LINGO2: variants seen among roughly 807,000 people sequenced by gnomAD.
The protein encoded by LINGO2 is leucine-rich repeat and immunoglobulin-like domain-containing nogo receptor-interacting protein 2.
A neutral mutation model predicts 30.6 loss-of-function variants in LINGO2; 14 were observed. The observed-to-expected ratio is 0.46, with a 90% CI of 0.30 to 0.72. The LOEUF is 0.72. Ranked by LOEUF, LINGO2 falls within the 30% of genes least tolerant of loss-of-function variation. LINGO2 has a pLI of 0.07. For missense variants in LINGO2, 729 were observed against 751.7 expected (o/e 0.97, Z 0.35); for synonymous variants, 317 against 288.5 (o/e 1.10, Z -1.00).
the LINGO2 span, among the ~76,000 whole-genome samples, chr9:29,181,354 T>C: frequency 6.6e-6 from 1 of 152,194 alleles, no homozygotes; most frequent in South Asian, 2.1e-4. Flanking sequence ...AATTATATTT[T>C]CTATTATAGT....
chr9:28,846,430 A>C, the LINGO2 span, among the ~76,000 whole-genome samples: 3 of 149,040 alleles, frequency 2.0e-5, 1 homozygote, highest in African/African-American at 7.6e-5. Flanking sequence ...ACCACTCTTA[A>C]GATTCCCGAT....
chr9:29,195,199 G>A, the LINGO2 span, among the ~76,000 whole-genome samples: 1 of 152,120 alleles, frequency 6.6e-6, no homozygotes, highest in Non-Finnish European at 1.5e-5. Context: ...CAATCAATAT[G>A]TCATCTCTTT....
rs115684013 is a variant in LINGO2 at position 28,337,745 on chromosome 9, G to T, written c.-246+35091C>A. Among the ~76,000 whole-genome samples, 402 of 152,250 alleles carry T rather than the reference G, an allele frequency of 2.6e-3. 1 individual carries two copies. Among genetic ancestry groups the T allele is most frequent in the African/African-American group, 9.3e-3 (385 of 41,542 alleles). ...AGAGTGCCAGCCCCAAACTTTGGAGGCTTACATGTGGTATTGAGCCTATGG... is the reference window on the plus strand; with the variant it reads ...AGAGTGCCAGCCCCAAACTTTGGAGTCTTACATGTGGTATTGAGCCTATGG... On this transcript the variant is annotated intron_variant, in intron 3 of 5. Transcript: ENST00000379992.
the LINGO2 span, among the ~76,000 whole-genome samples, chr9:29,111,937 A>AT: frequency 6.7e-6 from 1 of 149,256 alleles, no homozygotes; most frequent in Non-Finnish European, 1.5e-5. Context: ...GTGTATATAT[A>AT]ATGTATTTAA....
At chr9:29,037,414 G>T in the LINGO2 span, among the ~76,000 whole-genome samples, 2 of 151,846 alleles carry the variant, frequency 1.3e-5, no homozygotes, top group Non-Finnish European at 2.9e-5. Flanking sequence ...GAACTTAATT[G>T]TAGCTTATAT....
chr9:28,616,629 C>A (rs1826142294), intron 1 of LINGO2, among the ~76,000 whole-genome samples: 1 of 152,198 alleles, frequency 6.6e-6, no homozygotes, highest in Non-Finnish European at 1.5e-5. Flanking sequence ...ATGTATTTCC[C>A]TGCCCTGATT....
intron 4 of LINGO2, among the ~76,000 whole-genome samples, chr9:28,293,846 A>T (rs756271278): frequency 3.9e-5 from 6 of 152,192 alleles, no homozygotes; most frequent in Non-Finnish European, 8.8e-5. Flanking sequence ...CGCTACAGTT[A>T]TGTGTTAGAT....
the LINGO2 span, among the ~76,000 whole-genome samples, chr9:28,989,314 G>A: frequency 6.6e-6 from 1 of 152,192 alleles, no homozygotes; most frequent in African/African-American, 2.4e-5. Context: ...AGAAAACAAT[G>A]TTTGTAAAAT....
the LINGO2 span, among the ~76,000 whole-genome samples, chr9:28,876,023 A>G: frequency 1.3e-5 from 2 of 152,090 alleles, no homozygotes; most frequent in African/African-American, 4.8e-5. Context: ...ATAAAAGTAT[A>G]CCAAGAATAT....
At chr9:28,491,453 C>T (rs1029122994) in intron 1 of LINGO2, among the ~76,000 whole-genome samples, 1 of 152,118 alleles carries the variant, frequency 6.6e-6, no homozygotes, top group Non-Finnish European at 1.5e-5. Flanking sequence ...TCTATGTTAC[C>T]AAATAGAGTA....
At chr9:28,224,127 C>G (rs543153602) in intron 4 of LINGO2, among the ~76,000 whole-genome samples, 1 of 152,194 alleles carries the variant, frequency 6.6e-6, no homozygotes, top group East Asian at 1.9e-4. Context: ...TGCAGTGGTG[C>G]CATCTCGGCT....
chr9:27,949,810 T>C lies in LINGO2; in HGVS notation c.862A>G (p.Ile288Val), dbSNP rs774002246. The C allele has an allele frequency of 4.3e-6, 7 of 1,614,060 alleles. No individual in the cohort carries two copies. In the East Asian group the frequency reaches 1.6e-4, roughly 36 times the overall value. The stretch of plus-strand genomic sequence containing the variant: ...AGGTCAGAGAACATGCCTGCTTCAA[T>C]AGTGCTGATGGGATTGTAGGAGAGG... The change falls in exon 6 of 6, where the codon ATT (isoleucine) becomes GTT (valine). Residue 288 changes from isoleucine to valine, a missense_variant. Transcript: ENST00000379992.
the LINGO2 span, among the ~76,000 whole-genome samples, chr9:29,022,614 T>A: frequency 6.6e-6 from 1 of 152,228 alleles, no homozygotes; most frequent in Non-Finnish European, 1.5e-5. Flanking sequence ...AATGTCGACT[T>A]AAATTTTCAC....
intron 1 of LINGO2, among the ~76,000 whole-genome samples, chr9:28,546,073 T>C (rs139127453): frequency 0.024 from 3,657 of 152,142 alleles, 100 homozygotes; most frequent in Admixed American, 0.082. Flanking sequence ...CACTTATATG[T>C]GGACTCTAAA....
intron 5 of LINGO2, among the ~76,000 whole-genome samples, chr9:28,001,346 A>T (rs375393999): frequency 6.6e-6 from 1 of 152,222 alleles, no homozygotes; most frequent in African/African-American, 2.4e-5. Context: ...CTGATGTAAC[A>T]GAATCATCGA....
chr9:28,766,788 G>A, the LINGO2 span, among the ~76,000 whole-genome samples: 3 of 150,360 alleles, frequency 2.0e-5, no homozygotes, highest in South Asian at 6.3e-4. Flanking sequence ...GAGAGAGAGA[G>A]GGAGAGAGAG....
intron 3 of LINGO2, among the ~76,000 whole-genome samples, chr9:28,371,202 C>G (rs1219391640): frequency 1.3e-5 from 2 of 152,178 alleles, no homozygotes; most frequent in Non-Finnish European, 2.9e-5. Flanking sequence ...TACCATTTAT[C>G]TATGGAGTAC....
At chr9:28,837,860 T>A in the LINGO2 span, among the ~76,000 whole-genome samples, 1 of 150,996 alleles carries the variant, frequency 6.6e-6, no homozygotes, top group Non-Finnish European at 1.5e-5. Flanking sequence ...TGAGCTTTTA[T>A]AAGCCCAGTG....
At chr9:28,628,840 G>GA (rs1385328622) in intron 1 of LINGO2, among the ~76,000 whole-genome samples, 1 of 152,070 alleles carries the variant, frequency 6.6e-6, no homozygotes, top group Non-Finnish European at 1.5e-5. Context: ...ACTAATAGCT[G>GA]AAAGTGTGTT....
Sources: gnomAD v4.1 joint callset for allele counts (sites outside exome capture counted in the v4.1 genomes callset) on GRCh38, gnomAD v4.1.1 for gene constraint, MANE v1.5 for transcripts, NCBI Gene and HGNC (gene_info 2026-07-23, HGNC 2026-07-21) for gene names.